PDE10A: variants seen among roughly 807,000 people sequenced by gnomAD.
PDE10A encodes phosphodiesterase 10A, also known as cAMP and cAMP-inhibited cGMP 3',5'-cyclic phosphodiesterase 10A.
Under a neutral mutation model 97.7 loss-of-function variants are expected in PDE10A, and 39 were observed. The observed-to-expected ratio is 0.40, with a 90% CI of 0.31 to 0.52. PDE10A has a LOEUF of 0.52. Among genes scored for constraint, PDE10A ranks in the 20% least tolerant of loss-of-function variants. The pLI is 0.56. For missense variants in PDE10A, 731 were observed against 1,047.8 expected (o/e 0.70, Z 4.17); for synonymous variants, 371 against 376.8 (o/e 0.98, Z 0.18).
intron 1 of PDE10A, among the ~76,000 whole-genome samples, chr6:165,673,883 A>G (rs1192995859): frequency 6.6e-6 from 1 of 152,210 alleles, no homozygotes; most frequent in African/African-American, 2.4e-5. Context: ...CGTGTTTATG[A>G]ATTTCCAAAT....
chr6:165,674,151 C>T (rs1329483315), intron 1 of PDE10A, among the ~76,000 whole-genome samples: 1 of 152,138 alleles, frequency 6.6e-6, no homozygotes, highest in African/African-American at 2.4e-5. Context: ...CTTTCCCATT[C>T]CACAGTTCCC....
chr6:165,459,522 TAGACAGACAGAC>T (rs138521828), intron 3 of PDE10A, among the ~76,000 whole-genome samples: 8,220 of 105,954 alleles, frequency 0.078, 318 homozygotes, highest in African/African-American at 0.12. Flanking sequence ...GATAGATAGA[TAGACAGACAGAC>T]AGACAGACAG....
At chr6:165,829,996 G>A (rs1046338521) in intron 1 of PDE10A, among the ~76,000 whole-genome samples, 2 of 152,176 alleles carry the variant, frequency 1.3e-5, no homozygotes, top group African/African-American at 4.8e-5. Flanking sequence ...TTTAGGGTCT[G>A]TGTGGCAGCG....
intron 1 of PDE10A, among the ~76,000 whole-genome samples, chr6:165,759,545 T>A (rs770018637): frequency 6.6e-5 from 10 of 152,220 alleles, no homozygotes; most frequent in Non-Finnish European, 1.3e-4. Flanking sequence ...TGTCTCTCTC[T>A]ACACTGAACT....
intron 1 of PDE10A, among the ~76,000 whole-genome samples, chr6:165,969,767 C>A (rs563857334): frequency 3.2e-4 from 48 of 152,194 alleles, no homozygotes; most frequent in African/African-American, 1.1e-3. Context: ...ACTGCCCAAA[C>A]CTGGGACAAT....
At chr6:165,688,600 T>C (rs1364314628) in intron 1 of PDE10A, among the ~76,000 whole-genome samples, 1 of 152,164 alleles carries the variant, frequency 6.6e-6, no homozygotes, top group East Asian at 1.9e-4. Flanking sequence ...GGCAGTGGAA[T>C]GGACACGCAT....
At chr6:165,875,874 T>A (rs2280558) in intron 1 of PDE10A, among the ~76,000 whole-genome samples, 2 of 152,064 alleles carry the variant, frequency 1.3e-5, no homozygotes, top group African/African-American at 2.4e-5. Flanking sequence ...ATTAATTGTT[T>A]ATGGGAAAAT....
At chr6:165,941,502 G>A (rs999935234) in intron 1 of PDE10A, among the ~76,000 whole-genome samples, 1 of 152,138 alleles carries the variant, frequency 6.6e-6, no homozygotes, top group African/African-American at 2.4e-5. Context: ...ATCTCATGTT[G>A]AATTTTAATC....
intron 1 of PDE10A, among the ~76,000 whole-genome samples, chr6:165,856,074 C>T (rs891371299): frequency 9.2e-5 from 14 of 152,120 alleles, no homozygotes; most frequent in African/African-American, 1.7e-4. Context: ...GCTGGGGCAT[C>T]GAGGAGTCCC....
intron 1 of PDE10A, among the ~76,000 whole-genome samples, chr6:165,799,421 T>C (rs1290923596): frequency 6.6e-6 from 1 of 151,598 alleles, no homozygotes; most frequent in Non-Finnish European, 1.5e-5. Context: ...CTTCATCTTA[T>C]TATTTGCCCC....
intron 1 of PDE10A, among the ~76,000 whole-genome samples, chr6:165,967,972 G>A (rs705799): frequency 0.61 from 92,606 of 152,064 alleles, 28,957 homozygotes; most frequent in East Asian, 0.92. Flanking sequence ...AACACACACA[G>A]AGCAGCTCTG....
At chr6:165,955,149 G>A (rs964037483) in intron 1 of PDE10A, among the ~76,000 whole-genome samples, 1 of 152,026 alleles carries the variant, frequency 6.6e-6, no homozygotes, top group Non-Finnish European at 1.5e-5. Flanking sequence ...AGCCCAAGAG[G>A]GCTCGCACTC....
chr6:165,797,885 G>GT lies in PDE10A; in HGVS notation c.-615+189643dup, dbSNP rs545693952. ...CCATGGCTAGATTCATTCATTATGA[G>GT]TTTTTTTGTTGTTTTGTTTTCTCTA... is the stretch of plus-strand genomic sequence containing the variant. On this transcript the variant is annotated intron_variant, in intron 1 of 19. Coordinates refer to the PDE10A transcript ENST00000366882. Among the ~76,000 whole-genome samples, 262 of 152,218 alleles carry GT rather than the reference G, an allele frequency of 1.7e-3. 1 individual carries two copies. Among genetic ancestry groups the GT allele is most frequent in the Non-Finnish European group, 2.8e-3 (188 of 67,990 alleles).
chr6:165,603,031 G>C (rs892708504), intron 1 of PDE10A, among the ~76,000 whole-genome samples: 1 of 152,128 alleles, frequency 6.6e-6, no homozygotes, highest in Non-Finnish European at 1.5e-5. Context: ...TTTTAGAAGA[G>C]GGAAAATAAG....
At chr6:165,938,956 A>G (rs1783426576) in intron 1 of PDE10A, among the ~76,000 whole-genome samples, 1 of 152,360 alleles carries the variant, frequency 6.6e-6, no homozygotes, top group South Asian at 2.1e-4. Context: ...TGTTTATAGC[A>G]TCAAAAAACT....
At chr6:165,784,021 C>T (rs1381053239) in intron 1 of PDE10A, among the ~76,000 whole-genome samples, 1 of 152,030 alleles carries the variant, frequency 6.6e-6, no homozygotes, top group Non-Finnish European at 1.5e-5. Context: ...AGTTCAAGAC[C>T]AGCCTGGCCA....
intron 1 of PDE10A, among the ~76,000 whole-genome samples, chr6:165,893,818 A>G (rs6415091): frequency 0.46 from 69,447 of 149,542 alleles, 16,333 homozygotes; most frequent in East Asian, 0.66. Context: ...CAACAACATT[A>G]GTGCCATTTT....
chr6:165,400,334 T>A (rs1265219738), intron 13 of PDE10A, among the ~76,000 whole-genome samples: 2 of 152,070 alleles, frequency 1.3e-5, no homozygotes, highest in African/African-American at 4.8e-5. Context: ...GATAAATTGA[T>A]CAACTGGACT....
At chr6:165,823,460 T>TGG (rs1452537389) in intron 1 of PDE10A, among the ~76,000 whole-genome samples, 2 of 122,796 alleles carry the variant, frequency 1.6e-5, no homozygotes, top group Non-Finnish European at 3.3e-5. Context: ...GGATACCGCC[T>TGG]GGGGCTGCTT....
Sources: gnomAD v4.1 joint callset for allele counts (sites outside exome capture counted in the v4.1 genomes callset) on GRCh38, gnomAD v4.1.1 for gene constraint, MANE v1.5 for transcripts, NCBI Gene and HGNC (gene_info 2026-07-23, HGNC 2026-07-21) for gene names.